MRTFA: variants seen among roughly 807,000 people sequenced by gnomAD.
The protein encoded by MRTFA is myocardin related transcription factor A, also known as myocardin-related transcription factor A.
A neutral mutation model predicts 83.5 loss-of-function variants in MRTFA; 20 were observed. The observed-to-expected ratio is 0.24, with a 90% CI of 0.17 to 0.35. MRTFA has a LOEUF of 0.35. Among genes scored for constraint, MRTFA ranks in the 10% least tolerant of loss-of-function variants. The probability of loss-of-function intolerance (pLI) is 1.00; values close to 1 mark genes in which losing one functional copy is unlikely to be tolerated. For synonymous variants in MRTFA, 659 were observed against 541.2 expected, an observed-to-expected ratio of 1.22 and a Z score of -3.02; for missense variants, 1,200 against 1,224.7, an observed-to-expected ratio of 0.98 and a Z score of 0.30.
intron 3 of MRTFA, among the ~76,000 whole-genome samples, chr22:40,473,089 A>G (rs2053941836): frequency 6.6e-6 from 1 of 152,128 alleles, no homozygotes; most frequent in African/African-American, 2.4e-5. Flanking sequence ...AATTTAATGC[A>G]TACGATATGA....
chr22:40,495,433 C>A, intron 3 of MRTFA, among the ~76,000 whole-genome samples: 1 of 130,392 alleles, frequency 7.7e-6, no homozygotes, highest in South Asian at 2.4e-4. Flanking sequence ...GCCTGGGCCA[C>A]AGAGCAAGAC....
intron 2 of MRTFA, among the ~76,000 whole-genome samples, chr22:40,565,735 T>A (rs1436765386): frequency 1.3e-5 from 2 of 152,108 alleles, no homozygotes; most frequent in Non-Finnish European, 2.9e-5. Flanking sequence ...AATAAAAAGT[T>A]TTTGGATAAC....
chr22:40,519,824 C>T (rs757351041), intron 3 of MRTFA, among the ~76,000 whole-genome samples: 1 of 152,130 alleles, frequency 6.6e-6, no homozygotes, highest in Non-Finnish European at 1.5e-5. Flanking sequence ...GGAAGTCAGA[C>T]TCTATGAGGT....
chr22:40,413,062 G>A (rs137991371), intron 14 of MRTFA, among the ~76,000 whole-genome samples: 1,637 of 149,376 alleles, frequency 0.011, 33 homozygotes, highest in African/African-American at 0.038. Context: ...GCTTGAACCC[G>A]GGAGGCGGAG....
rs1226700433 is a variant in MRTFA, at chr22:40,419,311, C to T, written c.1427G>A (p.Arg476His). Reference sequence around the variant, plus strand: ...GATTTGGTCTTGATAGGCTCGAAGGCGCTCAATCAGCTCAGTTTTGGTGCC... The same window carrying T: ...GATTTGGTCTTGATAGGCTCGAAGGTGCTCAATCAGCTCAGTTTTGGTGCC... The change falls in exon 12 of 15, where the codon CGC (arginine) becomes CAC (histidine). Residue 476 changes from arginine to histidine, a missense_variant. Arg to His is a conservative substitution (Grantham distance 29). Coordinates refer to ENST00000355630, the MANE Select transcript of MRTFA (RefSeq NM_020831.6). 3.1e-6 allele frequency: 5 copies of T among 1,613,970 alleles called. No individual in the cohort carries two copies. Among genetic ancestry groups the T allele is most frequent in the Non-Finnish European group, 4.2e-6 (5 of 1,180,012 alleles).
chr22:40,481,254 G>C (rs1472615276), intron 3 of MRTFA, among the ~76,000 whole-genome samples: 1 of 152,152 alleles, frequency 6.6e-6, no homozygotes, highest in African/African-American at 2.4e-5. Context: ...CACAAAAGCA[G>C]AGAGCATTTG....
chr22:40,480,743 C>CTTTTTT (rs758150714), intron 3 of MRTFA, among the ~76,000 whole-genome samples: 26 of 93,522 alleles, frequency 2.8e-4, no homozygotes, highest in African/African-American at 2.9e-4. Flanking sequence ...GAGTTCAAGA[C>CTTTTTT]TTTTTTTTTT....
intron 3 of MRTFA, among the ~76,000 whole-genome samples, chr22:40,536,249 G>A (rs1355662712): frequency 6.6e-6 from 1 of 152,064 alleles, no homozygotes; most frequent in African/African-American, 2.4e-5. Context: ...GCTACAGTGA[G>A]CTGTGATCAC....
chr22:40,517,707 A>T (rs2054784652), intron 3 of MRTFA, among the ~76,000 whole-genome samples: 1 of 152,230 alleles, frequency 6.6e-6, no homozygotes, highest in Admixed American at 6.5e-5. Flanking sequence ...AGAATAACAA[A>T]GGTAAAAGGA....
In MRTFA at chr22:40,411,704, T is replaced by G. The variant is rs1045953020; in HGVS notation, c.2782A>C (p.Thr928Pro). Residue 928 changes from threonine (T) to proline (P), a missense_variant, in exon 15 of 15, where the codon ACC becomes CCC. Around this residue, in one of 2 missense-constraint regions of MRTFA, gnomAD observed 1,107 missense variants for 1,041.8 expected, o/e 1.06. Coordinates refer to ENST00000355630, the MANE Select transcript of MRTFA (RefSeq NM_020831.6). ...GGCTCTGGCCCGTCATGCCCACTGG[T>G]CAGCAGGGGCAGCCCCGTGCTGCTC... 60 of 1,587,430 alleles carry G rather than the reference T, an allele frequency of 3.8e-5. No homozygotes were observed. The highest frequency in any genetic ancestry group is 4.9e-5 in the Non-Finnish European group (57 of 1,163,422).
chr22:40,456,918 A>AT (rs1418169081), intron 4 of MRTFA, among the ~76,000 whole-genome samples: 2 of 152,114 alleles, frequency 1.3e-5, no homozygotes, highest in Non-Finnish European at 2.9e-5. Flanking sequence ...AATCTAATCC[A>AT]TTTTTTTAAA....
chr22:40,516,244 T>C (rs2054756091), intron 3 of MRTFA, among the ~76,000 whole-genome samples: 2 of 151,350 alleles, frequency 1.3e-5, no homozygotes, highest in African/African-American at 2.4e-5. Flanking sequence ...CATGGCGAAA[T>C]CCTGCCTCTA....
At chr22:40,431,114 TAAAC>T (rs1426555180) in intron 6 of MRTFA, among the ~76,000 whole-genome samples, 2 of 152,150 alleles carry the variant, frequency 1.3e-5, no homozygotes, top group African/African-American at 4.8e-5. Context: ...GACTGTGTCT[TAAAC>T]AAAACAAAAC....
At chr22:40,520,943 AG>A (rs2054855847) in intron 3 of MRTFA, among the ~76,000 whole-genome samples, 1 of 152,224 alleles carries the variant, frequency 6.6e-6, no homozygotes. Flanking sequence ...GCTAGGTCAC[AG>A]GATCTATGTT....
intron 14 of MRTFA, chr22:40,412,185 AACAG>A (rs1306676785): frequency 2.5e-5 from 7 of 283,464 alleles, no homozygotes; most frequent in African/African-American, 4.3e-5. Flanking sequence ...GAAAGATTTG[AACAG>A]ACATTTTTCC....
intron 3 of MRTFA, among the ~76,000 whole-genome samples, chr22:40,540,015 T>TC (rs772633877): frequency 4.0e-5 from 6 of 148,390 alleles, no homozygotes; most frequent in East Asian, 4.1e-4. Context: ...GCTCAAACGA[T>TC]CCCCCCATCT....
At chr22:40,508,286 G>A (rs1198536783) in intron 3 of MRTFA, among the ~76,000 whole-genome samples, 1 of 151,920 alleles carries the variant, frequency 6.6e-6, no homozygotes, top group African/African-American at 2.4e-5. Context: ...GAGGCGGGCA[G>A]ATCATTTGAG....
chr22:40,587,549 A>C lies in MRTFA; in HGVS notation c.-22+7125T>G. ...TCAACTTTATCTCTGACCACCAAAA[A>C]AAGTTCAGGAACTTCCTTAATATGA... On this transcript the variant is annotated intron_variant, in intron 2 of 14. Transcript: ENST00000355630. 1.0e-5 allele frequency: 3 copies of C among 294,156 alleles called. No individual in the cohort carries two copies. In the South Asian group the frequency reaches 1.0e-4, roughly 10 times the overall value. 18.2% of individuals were successfully genotyped at this position (294,156 alleles called of 1,614,324 possible).
intron 3 of MRTFA, among the ~76,000 whole-genome samples, chr22:40,536,969 G>A (rs1479226839): frequency 2.1e-5 from 2 of 94,342 alleles, no homozygotes; most frequent in East Asian, 4.1e-4. Context: ...TCTGGGAAGT[G>A]AGGAGCGTCT....
Sources: allele counts gnomAD v4.1 joint callset (sites outside exome capture counted in the v4.1 genomes callset), GRCh38; gene constraint gnomAD v4.1.1; regional missense constraint gnomAD v4.1.1; transcripts MANE v1.5; gene names NCBI Gene and HGNC (gene_info 2026-07-23, HGNC 2026-07-21).